ZHX1: variants seen among roughly 807,000 people sequenced by gnomAD.
The protein encoded by ZHX1 is zinc fingers and homeoboxes 1.
Under a neutral mutation model 61.8 loss-of-function variants are expected in ZHX1, and 20 were observed. The observed-to-expected ratio is 0.32, with a 90% CI of 0.23 to 0.47. The LOEUF (loss-of-function observed/expected upper bound fraction) is 0.47. Among genes scored for constraint, ZHX1 ranks in the 20% least tolerant of loss-of-function variants. The pLI is 1.00. For missense variants in ZHX1, 800 were observed against 1,034.8 expected (o/e 0.77, Z 3.11); for synonymous variants, 318 against 352.6 (o/e 0.90, Z 1.10).
In ZHX1 at chr8:123,254,904, A is replaced by G; in HGVS notation, c.1043T>C (p.Val348Ala). The change falls in exon 3 of 4, where the codon GTA becomes GCA. Residue 348 changes from valine (V) to alanine (A), a missense_variant. By Grantham distance (64) the Val-to-Ala change is moderately conservative. Transcript: ENST00000395571. This position sits in a 1 kb window ranked among gnomAD's most constrained non-coding sequence, Gnocchi z 4.1. ...GAATTGTTTCCTTCTTGCCTCCTCT[A>G]CTTCCTCGGGAGTCCAACTAACACC... ...KHGVSWTPEE[V>A]EEARRKQFNG... 6.2e-7 allele frequency: 1 copy of G among 1,614,228 alleles called. No homozygotes were observed. Among genetic ancestry groups the G allele is most frequent in the Non-Finnish European group, 8.5e-7 (1 of 1,180,042 alleles).
chr8:123,272,406 GA>G (rs1826684933), intron 1 of ZHX1, among the ~76,000 whole-genome samples: 1 of 152,018 alleles, frequency 6.6e-6, no homozygotes, highest in Non-Finnish European at 1.5e-5. Flanking sequence ...AAGCTAAAAG[GA>G]AAAAAATATT....
At chr8:123,267,488 G>GA (rs1048840722) in intron 1 of ZHX1, 102 bp from the exon 2 acceptor site, 313 of 393,132 alleles carry the variant, frequency 8.0e-4, no homozygotes, top group South Asian at 1.1e-3. Context: ...ATGTAATTTT[G>GA]AAAAAAAAAG....
intron 2 of ZHX1, among the ~76,000 whole-genome samples, chr8:123,264,690 T>C (rs1227082133): frequency 6.6e-6 from 1 of 151,890 alleles, no homozygotes; most frequent in Non-Finnish European, 1.5e-5. Flanking sequence ...CCCAAGTAGT[T>C]GGGATTACAG....
intron 2 of ZHX1, chr8:123,263,006 G>A (rs1187518964): frequency 6.8e-6 from 1 of 146,192 alleles, no homozygotes; most frequent in Non-Finnish European, 1.5e-5. Flanking sequence ...GGAAGAAAGA[G>A]AAGGAAGAGA....
intron 3 of ZHX1, among the ~76,000 whole-genome samples, chr8:123,251,356 T>C (rs1467027144): frequency 6.6e-6 from 1 of 152,198 alleles, no homozygotes; most frequent in East Asian, 1.9e-4. Flanking sequence ...TCGTTCTTTA[T>C]AGCAGTGTGA....
chr8:123,270,871 G>A (rs1251304100), intron 1 of ZHX1, among the ~76,000 whole-genome samples: 2 of 151,440 alleles, frequency 1.3e-5, no homozygotes, highest in African/African-American at 4.9e-5. Context: ...ATTTTACAAA[G>A]TATATCATCA....
chr8:123,255,016 T>C lies in ZHX1; in HGVS notation c.931A>G (p.Met311Val), dbSNP rs373785363. ...GCAGAAAGAACTGTAATTTCTGACA[T>C]TGTTGGGTAAGGGAACTTGTTGTAG... ...NTYNKFPYPT[M>V]SEITVLSAQA... The change falls in exon 3 of 4, where the codon ATG becomes GTG. Residue 311 changes from methionine (M) to valine (V), a missense_variant. By Grantham distance (21) the Met-to-Val change is conservative. Transcript: ENST00000395571. 53 of 1,614,156 alleles carry C rather than the reference T, an allele frequency of 3.3e-5. No individual in the cohort carries two copies. In the African/African-American group the frequency reaches 4.4e-4, roughly 13 times the overall value.
chr8:123,260,098 C>A (rs1008443536), intron 2 of ZHX1, among the ~76,000 whole-genome samples: 8 of 151,698 alleles, frequency 5.3e-5, no homozygotes, highest in Non-Finnish European at 1.0e-4. Flanking sequence ...GTGGAGGTTG[C>A]AGTGAGCCAA....
intron 2 of ZHX1, among the ~76,000 whole-genome samples, chr8:123,262,448 T>C (rs1826303187): frequency 6.6e-6 from 1 of 152,202 alleles, no homozygotes; most frequent in African/African-American, 2.4e-5. Context: ...AAATGAAAAT[T>C]TCACGAGATT....
At chr8:123,259,353 C>T (rs921515818) in intron 2 of ZHX1, among the ~76,000 whole-genome samples, 2 of 151,682 alleles carry the variant, frequency 1.3e-5, no homozygotes, top group Admixed American at 6.6e-5. Flanking sequence ...ATAAACTAAG[C>T]CAATGTTATC....
chr8:123,257,957 A>G (rs186345824), intron 2 of ZHX1, among the ~76,000 whole-genome samples: 18 of 152,244 alleles, frequency 1.2e-4, no homozygotes, highest in African/African-American at 4.3e-4. Flanking sequence ...GTAATGTTAC[A>G]TTTCTGTCCC....
At chr8:123,268,478 G>T (rs927920068) in intron 1 of ZHX1, among the ~76,000 whole-genome samples, 3 of 152,028 alleles carry the variant, frequency 2.0e-5, no homozygotes, top group Non-Finnish European at 4.4e-5. Flanking sequence ...CTTTTGAAGG[G>T]TTAAAGCATT....
intron 1 of ZHX1, chr8:123,273,729 C>A: frequency 6.5e-6 from 1 of 152,704 alleles, no homozygotes; most frequent in Non-Finnish European, 1.5e-5. Context: ...CCACACGCCC[C>A]CGGAGGACAG....
intron 2 of ZHX1, among the ~76,000 whole-genome samples, chr8:123,259,079 A>C (rs1443419006): frequency 2.0e-5 from 3 of 152,214 alleles, no homozygotes; most frequent in African/African-American, 7.2e-5. Flanking sequence ...CTGACTTTGA[A>C]GGACGGTAAA....
chr8:123,269,155 A>C (rs1345722505), intron 1 of ZHX1, among the ~76,000 whole-genome samples: 6 of 152,232 alleles, frequency 3.9e-5, no homozygotes. Flanking sequence ...CTAGAAGAGA[A>C]GATAGGAAAC....
At chr8:123,259,869 G>A (rs986669198) in intron 2 of ZHX1, among the ~76,000 whole-genome samples, 1 of 152,154 alleles carries the variant, frequency 6.6e-6, no homozygotes, top group Admixed American at 6.6e-5. Flanking sequence ...AGATAAAAGA[G>A]AAGCCATCGG....
upstream of ZHX1, among the ~76,000 whole-genome samples, chr8:123,275,181 T>G (rs988963574): frequency 5.9e-5 from 9 of 152,196 alleles, no homozygotes; most frequent in African/African-American, 2.2e-4. Flanking sequence ...TCACATCCCG[T>G]CGGCTTTCAG....
chr8:123,262,512 G>T (rs1177758105), intron 2 of ZHX1, among the ~76,000 whole-genome samples: 3 of 152,044 alleles, frequency 2.0e-5, no homozygotes, highest in Non-Finnish European at 4.4e-5. Flanking sequence ...CTTTTGCTTT[G>T]TTTTTTTCCT....
At chr8:123,267,480 G>T (rs985178026) in intron 1 of ZHX1, 94 bp from the exon 2 acceptor site, 2 of 404,480 alleles carry the variant, frequency 4.9e-6, no homozygotes, top group Non-Finnish European at 8.7e-6. Context: ...ATAAATAAAT[G>T]TAATTTTGAA....
Sources: allele counts gnomAD v4.1 joint callset (sites outside exome capture counted in the v4.1 genomes callset), GRCh38; gene constraint gnomAD v4.1.1; non-coding constraint Gnocchi (gnomAD v3.1); transcripts MANE v1.5; gene names NCBI Gene and HGNC (gene_info 2026-07-23, HGNC 2026-07-21).